SLC25A53: variants seen among roughly 807,000 people sequenced by gnomAD.
SLC25A53 encodes solute carrier family 25 member 53.
Under a neutral mutation model 15.0 loss-of-function variants are expected in SLC25A53, and 5 were observed. The observed-to-expected ratio is 0.33, with a 90% CI of 0.17 to 0.70. The LOEUF is 0.70. Ranked by LOEUF, SLC25A53 falls within the 30% of genes least tolerant of loss-of-function variation. The pLI is 0.67. For missense variants in SLC25A53, 216 were observed against 241.6 expected (o/e 0.89, Z 0.70); for synonymous variants, 95 against 100.0 (o/e 0.95, Z 0.30).
intron 1 of SLC25A53, among the ~76,000 whole-genome samples, chrX:104,124,985 G>A (rs1445589040): frequency 9.4e-6 from 1 of 106,320 alleles, no homozygotes; most frequent in Admixed American, 1.0e-4. Context: ...TGGGATTACA[G>A]GCACACACCA....
At chrX:104,153,697 T>A (rs782778256) in intron 1 of SLC25A53, among the ~76,000 whole-genome samples, 1 of 112,497 alleles carries the variant, frequency 8.9e-6, no homozygotes, top group Admixed American at 9.4e-5. Flanking sequence ...GGGATTTGAA[T>A]AGAAAACTGC....
In SLC25A53 at chrX:104,104,247, T is replaced by C; in HGVS notation, c.*87A>G. The C allele has an allele frequency of 1.1e-6, 1 of 910,991 alleles. No homozygotes were observed. The highest frequency in any genetic ancestry group is 3.1e-5 in the East Asian group (1 of 31,960). The allele number at this position is 910,991 out of a possible 1,213,427, so 75.1% of individuals were successfully genotyped here. ...TATAGATGCTAAAGGATGGCTGTAT[T>C]AGGCAACCTAGCCAAAGAAGTAAGC... On this transcript the variant is annotated 3_prime_UTR_variant, in exon 2 of 2. Coordinates refer to ENST00000594199, the MANE Select transcript of SLC25A53 (RefSeq NM_001012755.5).
chrX:104,111,037 C>G (rs782210505), intron 1 of SLC25A53, among the ~76,000 whole-genome samples: 1 of 112,642 alleles, frequency 8.9e-6, no homozygotes, highest in East Asian at 2.8e-4. Context: ...CGGGTAGGAA[C>G]CTGTGCTCTG....
At chrX:104,118,049 TATTTC>T (rs782774084) in intron 1 of SLC25A53, among the ~76,000 whole-genome samples, 1 of 112,428 alleles carries the variant, frequency 8.9e-6, no homozygotes, top group African/African-American at 3.2e-5. Flanking sequence ...TGAGACTTTT[TATTTC>T]ATTTTGTGTC....
At chrX:104,118,571 CTTTCTA>C (rs1403149611) in intron 1 of SLC25A53, among the ~76,000 whole-genome samples, 4 of 113,030 alleles carry the variant, frequency 3.5e-5, no homozygotes, top group African/African-American at 1.3e-4. Context: ...ATAAGCATGA[CTTTCTA>C]TTTCTAACTT....
At chrX:104,121,425 TGAGGATACATTCCTA>T (rs1277252597) in intron 1 of SLC25A53, among the ~76,000 whole-genome samples, 1 of 111,273 alleles carries the variant, frequency 9.0e-6, no homozygotes, top group African/African-American at 3.3e-5. Flanking sequence ...GATTATTTCC[TGAGGATACATTCCTA>T]GAGGTGACGT....
intron 1 of SLC25A53, among the ~76,000 whole-genome samples, chrX:104,143,292 AAC>A (rs2075456330): frequency 9.0e-6 from 1 of 111,669 alleles, no homozygotes; most frequent in African/African-American, 3.3e-5. Flanking sequence ...GGTGGGTAAT[AAC>A]GAACTCCTCC....
rs781931323 is a variant in SLC25A53 at position 104,104,718 on chromosome X, A to G, written c.540T>C (p.Pro180=). The G allele has an allele frequency of 1.2e-5, 15 of 1,209,650 alleles. No individual in the cohort carries two copies. The East Asian group carries it at 4.4e-4, about 36-fold the overall frequency. Residue 180 remains proline, a synonymous_variant, in exon 2 of 2, where the codon CCT becomes CCC. Coordinates refer to ENST00000594199, the MANE Select transcript of SLC25A53 (RefSeq NM_001012755.5). ...LSLGYYRGFW[P]VLARNSLGSA... is the part of the protein sequence containing the mutation. ...TCCCCAGGCTGTTCCTGGCCAGGAC[A>G]GGCCAGAAACCACGATAGTAGCCCA...
intron 1 of SLC25A53, among the ~76,000 whole-genome samples, chrX:104,111,236 A>C (rs1284658210): frequency 8.9e-6 from 1 of 111,908 alleles, no homozygotes; most frequent in Non-Finnish European, 1.9e-5. Flanking sequence ...ACTACATCAA[A>C]ATCCCCCAGG....
At chrX:104,106,855 C>A (rs2075313246) in intron 1 of SLC25A53, among the ~76,000 whole-genome samples, 1 of 106,665 alleles carries the variant, frequency 9.4e-6, no homozygotes, top group African/African-American at 3.4e-5. Context: ...AATCTCATTC[C>A]TATCCCCACT....
chrX:104,145,499 CA>C (rs782374397), intron 1 of SLC25A53, among the ~76,000 whole-genome samples: 55 of 111,149 alleles, frequency 4.9e-4, no homozygotes, highest in African/African-American at 1.8e-3. Context: ...AAAACCCCTT[CA>C]AAAAAATCAA....
At chrX:104,150,482 C>T (rs1467404628) in intron 1 of SLC25A53, among the ~76,000 whole-genome samples, 3 of 111,472 alleles carry the variant, frequency 2.7e-5, no homozygotes, top group Non-Finnish European at 5.6e-5. Context: ...ATTTCATAAA[C>T]TGCCACTATC....
chrX:104,115,282 G>C (rs782168761), intron 1 of SLC25A53: 56 of 1,179,098 alleles, frequency 4.7e-5, no homozygotes, highest in Non-Finnish European at 5.9e-5. Flanking sequence ...GAGGTCAAAA[G>C]AGGTCCCTGG....
chrX:104,142,520 T>A (rs782263962), intron 1 of SLC25A53, among the ~76,000 whole-genome samples: 1 of 111,599 alleles, frequency 9.0e-6, no homozygotes, highest in African/African-American at 3.3e-5. Flanking sequence ...AATCGTTTTT[T>A]ATAAACAACT....
chrX:104,099,531 AC>A lies in SLC25A53; in HGVS notation c.*4802del, dbSNP rs1556351750. On this transcript the variant is annotated 3_prime_UTR_variant, in exon 2 of 2. Transcript: ENST00000594199. Reference sequence around the variant, plus strand: ...GTACAACAATAAAAATGGATCAACTACAGCTATCTGCAATATCAATGAGTCT... The same window carrying A: ...GTACAACAATAAAAATGGATCAACTAAGCTATCTGCAATATCAATGAGTCT... The A allele has an allele frequency of 8.9e-6, 1 of 112,487 alleles. No homozygotes were observed. Among genetic ancestry groups the A allele is most frequent in the African/African-American group, 3.2e-5 (1 of 30,969 alleles). The allele number at this position is 112,487 out of a possible 1,213,427, so 9.3% of individuals were successfully genotyped here.
At position 104,104,195 on chromosome X, in the gene SLC25A53, T is replaced by C. The variant is rs1602480364; in HGVS notation, c.*139A>G. 2 of 534,594 alleles carry C rather than the reference T, an allele frequency of 3.7e-6. No homozygotes were observed. Among genetic ancestry groups the C allele is most frequent in the Non-Finnish European group, 6.1e-6 (2 of 328,832 alleles). 44.1% of individuals were successfully genotyped at this position (534,594 alleles called of 1,213,427 possible). On this transcript the variant is annotated 3_prime_UTR_variant, in exon 2 of 2. Coordinates refer to ENST00000594199, the MANE Select transcript of SLC25A53 (RefSeq NM_001012755.5). ...TTGTCCTTGCTCAACAGGTTGGTAG[T>C]TGGGAACTTCTCCCATGCAATGAGT...
intron 1 of SLC25A53, among the ~76,000 whole-genome samples, chrX:104,141,391 G>A (rs2075450426): frequency 9.0e-6 from 1 of 111,631 alleles, no homozygotes. Context: ...CAAAGGCATA[G>A]GAAAGAAAAA....
At chrX:104,143,236 T>C (rs1221998765) in intron 1 of SLC25A53, among the ~76,000 whole-genome samples, 1 of 111,294 alleles carries the variant, frequency 9.0e-6, no homozygotes, top group South Asian at 3.8e-4. Context: ...GGAAGAAAAC[T>C]GGACAGAGAA....
intron 1 of SLC25A53, among the ~76,000 whole-genome samples, chrX:104,124,604 A>T (rs1470739461): frequency 9.1e-6 from 1 of 109,735 alleles, no homozygotes; most frequent in Non-Finnish European, 1.9e-5. Context: ...AAATGAAAAA[A>T]TTAGCCAGGC....
Sources: allele counts gnomAD v4.1 joint callset (sites outside exome capture counted in the v4.1 genomes callset), GRCh38; gene constraint gnomAD v4.1.1; transcripts MANE v1.5; gene names NCBI Gene and HGNC (gene_info 2026-07-23, HGNC 2026-07-21).